Variants in SUGCT observed in about 807,000 individuals in gnomAD.
SUGCT encodes succinyl-CoA:glutarate-CoA transferase.
Under a neutral mutation model 55.0 loss-of-function variants are expected in SUGCT, and 41 were observed. The ratio of observed to expected loss-of-function variants is 0.74; its 90% CI spans 0.58 to 0.97. SUGCT has a LOEUF of 0.97. SUGCT is among the 50% of genes least tolerant of loss of function. The pLI, the probability that SUGCT is intolerant of heterozygous loss-of-function variation, is 0.00. For synonymous variants in SUGCT, 187 were observed against 200.4 expected, an observed-to-expected ratio of 0.93 and a Z score of 0.56; for missense variants, 568 against 547.8, an observed-to-expected ratio of 1.04 and a Z score of -0.37.
intron 12 of SUGCT, among the ~76,000 whole-genome samples, chr7:40,618,068 C>T (rs1584138621): frequency 1.3e-5 from 2 of 152,234 alleles, no homozygotes; most frequent in Admixed American, 6.5e-5. Flanking sequence ...GTTTTCTAGA[C>T]CTGTTACACA....
chr7:40,759,889 A>G (rs1788447182), intron 13 of SUGCT, among the ~76,000 whole-genome samples: 2 of 152,058 alleles, frequency 1.3e-5, no homozygotes, highest in South Asian at 2.1e-4. Context: ...CTATTAAAAA[A>G]AAAAGCAGCA....
intron 9 of SUGCT, among the ~76,000 whole-genome samples, chr7:40,337,055 G>A (rs1311848406): frequency 1.3e-5 from 2 of 152,160 alleles, no homozygotes; most frequent in African/African-American, 2.4e-5. Context: ...GTAGTTGAGC[G>A]ATTTTGAGTG....
chr7:40,911,678 T>G, the SUGCT span, among the ~76,000 whole-genome samples: 1 of 152,094 alleles, frequency 6.6e-6, no homozygotes, highest in Non-Finnish European at 1.5e-5. Flanking sequence ...ATTACTGGCC[T>G]ATATACACTA....
chr7:40,861,619 A>G (rs2128810453), downstream of SUGCT, among the ~76,000 whole-genome samples: 1 of 152,360 alleles, frequency 6.6e-6, no homozygotes, highest in Admixed American at 6.5e-5. Context: ...TGTGATTTAA[A>G]ACTCATTTTC....
At chr7:40,253,043 G>T (rs1790546258) in intron 7 of SUGCT, among the ~76,000 whole-genome samples, 1 of 152,222 alleles carries the variant, frequency 6.6e-6, no homozygotes, top group South Asian at 2.1e-4. Flanking sequence ...GTGTAATATA[G>T]TGCAAAGAAC....
At chr7:40,321,248 T>TG (rs971065228) in intron 9 of SUGCT, among the ~76,000 whole-genome samples, 5 of 151,754 alleles carry the variant, frequency 3.3e-5, no homozygotes, top group Non-Finnish European at 7.4e-5. Context: ...GCTAATTTTT[T>TG]GTACTTTTAG....
intron 6 of SUGCT, among the ~76,000 whole-genome samples, chr7:40,203,162 A>G (rs991063618): frequency 3.9e-5 from 6 of 152,212 alleles, no homozygotes; most frequent in African/African-American, 7.2e-5. Context: ...CTAGCATACA[A>G]TAACAACTCT....
chr7:40,619,126 G>A lies in SUGCT; in HGVS notation c.1089+122740G>A, dbSNP rs547398128. 7.9e-5 allele frequency among the ~76,000 whole-genome samples: 12 copies of A among 152,298 alleles called. No homozygotes were observed. The East Asian group carries it at 2.1e-3, about 27-fold the overall frequency. Reference sequence around the variant, plus strand: ...GACGCCTTCCATATTTTCTTTCAGAGATGAGATTCTATTATTTACAAAGGC... The same window carrying A: ...GACGCCTTCCATATTTTCTTTCAGAAATGAGATTCTATTATTTACAAAGGC... On this transcript the variant is annotated intron_variant, in intron 12 of 13. Transcript: ENST00000335693.
intron 12 of SUGCT, among the ~76,000 whole-genome samples, chr7:40,583,813 A>G (rs2151716776): frequency 6.6e-6 from 1 of 152,336 alleles, no homozygotes; most frequent in African/African-American, 2.4e-5. Flanking sequence ...AATGCTGACC[A>G]ATACACAGCT....
the SUGCT span, among the ~76,000 whole-genome samples, chr7:40,935,323 G>A: frequency 5.9e-4 from 90 of 151,512 alleles, no homozygotes; most frequent in Non-Finnish European, 8.4e-4. Flanking sequence ...ACAAAGTTGT[G>A]CAACCATCAC....
chr7:40,658,835 C>A (rs1241091176), intron 12 of SUGCT, among the ~76,000 whole-genome samples: 1 of 152,164 alleles, frequency 6.6e-6, no homozygotes, highest in Non-Finnish European at 1.5e-5. Flanking sequence ...TTGTGTAACC[C>A]ATGGCTTTTG....
At chr7:40,462,005 T>A (rs1053945755) in intron 11 of SUGCT, among the ~76,000 whole-genome samples, 1 of 152,242 alleles carries the variant, frequency 6.6e-6, no homozygotes, top group African/African-American at 2.4e-5. Context: ...TGTTTGTTTA[T>A]GCGCTCAAGA....
At chr7:40,717,968 T>G (rs1328840335) in intron 12 of SUGCT, among the ~76,000 whole-genome samples, 1 of 151,480 alleles carries the variant, frequency 6.6e-6, no homozygotes, top group African/African-American at 2.5e-5. Flanking sequence ...AAATTATCTA[T>G]AATAGCACAA....
At chr7:40,672,102 A>G (rs1336276764) in intron 12 of SUGCT, among the ~76,000 whole-genome samples, 1 of 152,182 alleles carries the variant, frequency 6.6e-6, no homozygotes, top group East Asian at 1.9e-4. Flanking sequence ...TTTTTAACAA[A>G]TGGTGCTGGA....
chr7:41,037,330 C>T, the SUGCT span, among the ~76,000 whole-genome samples: 1 of 151,962 alleles, frequency 6.6e-6, no homozygotes, highest in Non-Finnish European at 1.5e-5. Context: ...CCTGTCTTTC[C>T]CTCTAAATTG....
intron 13 of SUGCT, among the ~76,000 whole-genome samples, chr7:40,796,631 T>C (rs887746813): frequency 6.6e-6 from 1 of 152,160 alleles, no homozygotes; most frequent in African/African-American, 2.4e-5. Flanking sequence ...CTAAAGTAAC[T>C]TGTTTGAGAT....
chr7:40,617,444 G>C (rs1799058797), intron 12 of SUGCT, among the ~76,000 whole-genome samples: 1 of 151,180 alleles, frequency 6.6e-6, no homozygotes, highest in African/African-American at 2.4e-5. Context: ...CAGATGTCCA[G>C]TAAAATTCTG....
At chr7:40,382,004 CGTGTGTGTGTCT>C (rs953489633) in intron 9 of SUGCT, among the ~76,000 whole-genome samples, 2 of 149,816 alleles carry the variant, frequency 1.3e-5, no homozygotes, top group East Asian at 2.0e-4. Context: ...CATCAAGGGA[CGTGTGTGTGTCT>C]GTGTGTGTGT....
At chr7:40,468,800 G>C (rs910682193) in intron 11 of SUGCT, among the ~76,000 whole-genome samples, 1 of 152,148 alleles carries the variant, frequency 6.6e-6, no homozygotes, top group African/African-American at 2.4e-5. Context: ...CTTGAACTCT[G>C]ATTCCTTAGT....
Sources: allele counts gnomAD v4.1 joint callset (sites outside exome capture counted in the v4.1 genomes callset), GRCh38; gene constraint gnomAD v4.1.1; transcripts MANE v1.5; gene names NCBI Gene and HGNC (gene_info 2026-07-23, HGNC 2026-07-21).